Variants in TBC1D22A observed in about 807,000 individuals in gnomAD.
TBC1D22A encodes the protein TBC1 domain family member 22A, also known as putative GTPase activator.
Under a neutral mutation model 60.2 loss-of-function variants are expected in TBC1D22A, and 38 were observed. That is an observed-to-expected ratio of 0.63 (90% CI 0.49 to 0.83). TBC1D22A has a LOEUF of 0.83. Among genes scored for constraint, TBC1D22A ranks in the 40% least tolerant of loss-of-function variants. TBC1D22A has a pLI of 0.00. For missense variants in TBC1D22A, 628 were observed against 701.0 expected, an observed-to-expected ratio of 0.90 and a Z score of 1.18; for synonymous variants, 302 against 281.7, an observed-to-expected ratio of 1.07 and a Z score of -0.72.
At chr22:47,160,330 C>T (rs75637217) in intron 12 of TBC1D22A, among the ~76,000 whole-genome samples, 7,460 of 152,280 alleles carry the variant, frequency 0.049, 590 homozygotes, top group African/African-American at 0.17. Flanking sequence ...CCTCCCTTGC[C>T]GCTCACTGGG....
chr22:46,974,955 A>C (rs890555104), intron 9 of TBC1D22A, among the ~76,000 whole-genome samples: 2 of 152,202 alleles, frequency 1.3e-5, no homozygotes, highest in Non-Finnish European at 2.9e-5. Flanking sequence ...TTAGTGGCTG[A>C]GATTTCTGTA....
At chr22:46,949,764 T>C (rs1049266425) in intron 8 of TBC1D22A, among the ~76,000 whole-genome samples, 5 of 152,116 alleles carry the variant, frequency 3.3e-5, no homozygotes, top group African/African-American at 4.8e-5. Flanking sequence ...GAAAAGAAAG[T>C]GTTGCAGTCT....
chr22:46,902,624 G>A (rs1318678189), intron 7 of TBC1D22A, among the ~76,000 whole-genome samples: 2 of 152,238 alleles, frequency 1.3e-5, no homozygotes, highest in Non-Finnish European at 2.9e-5. Context: ...CGCTGTGTCC[G>A]CTAAACCAGC....
chr22:46,854,573 G>A (rs1305699647), intron 4 of TBC1D22A, among the ~76,000 whole-genome samples: 2 of 151,516 alleles, frequency 1.3e-5, no homozygotes, highest in Admixed American at 6.6e-5. Context: ...ATGTTCTCGC[G>A]CTAATTCCTT....
In TBC1D22A at chr22:46,988,442, A is replaced by G. The variant is rs1377848764; in HGVS notation, c.1126-9192A>G. 4.6e-5 allele frequency among the ~76,000 whole-genome samples: 7 copies of G among 152,346 alleles called. No individual in the cohort carries two copies. In the South Asian group the frequency reaches 8.3e-4, roughly 18 times the overall value. ...TATGGCAGCTATAGCCTTATCAAGT[A>G]TATTTCTCAAATAATGACTTGAAAG... On this transcript the variant is annotated intron_variant, in intron 9 of 12. Coordinates refer to ENST00000337137, the MANE Select transcript of TBC1D22A (RefSeq NM_014346.5).
At chr22:46,856,710 A>T (rs1244548192) in intron 4 of TBC1D22A, among the ~76,000 whole-genome samples, 1 of 152,202 alleles carries the variant, frequency 6.6e-6, no homozygotes, top group Non-Finnish European at 1.5e-5. Flanking sequence ...TGAAAGGCCA[A>T]AGTTTTCCCT....
chr22:46,841,196 G>T (rs2086754761), intron 4 of TBC1D22A, among the ~76,000 whole-genome samples: 1 of 152,184 alleles, frequency 6.6e-6, no homozygotes, highest in South Asian at 2.1e-4. Context: ...GGGGCCTATA[G>T]GAGGTGATGT....
intron 10 of TBC1D22A, among the ~76,000 whole-genome samples, chr22:47,008,219 C>T (rs185750062): frequency 2.8e-4 from 43 of 152,292 alleles, no homozygotes; most frequent in African/African-American, 8.2e-4. Context: ...TGGCTATTGA[C>T]GAAATGAGAT....
chr22:47,054,942 TCA>T (rs1226701030), intron 11 of TBC1D22A, among the ~76,000 whole-genome samples: 13 of 152,348 alleles, frequency 8.5e-5, no homozygotes, highest in African/African-American at 2.2e-4. Flanking sequence ...GGGCTGGGAC[TCA>T]CAGCCCAGGT....
At chr22:47,170,706 C>A (rs1414309574) in intron 12 of TBC1D22A, among the ~76,000 whole-genome samples, 1 of 147,662 alleles carries the variant, frequency 6.8e-6, no homozygotes. Flanking sequence ...TGGTGTGTAA[C>A]CCTCCTGATG....
chr22:46,956,796 G>A (rs934135521), intron 8 of TBC1D22A, among the ~76,000 whole-genome samples: 1 of 152,244 alleles, frequency 6.6e-6, no homozygotes, highest in Non-Finnish European at 1.5e-5. Flanking sequence ...TTTAGGTGAG[G>A]CACTTCCTCT....
intron 8 of TBC1D22A, among the ~76,000 whole-genome samples, chr22:46,948,156 C>T (rs1410735986): frequency 6.6e-6 from 1 of 152,174 alleles, no homozygotes; most frequent in Non-Finnish European, 1.5e-5. Context: ...AACAAACCTG[C>T]ATATCTTCAA....
At chr22:46,980,012 A>G (rs1049493468) in intron 9 of TBC1D22A, among the ~76,000 whole-genome samples, 1 of 151,996 alleles carries the variant, frequency 6.6e-6, no homozygotes, top group African/African-American at 2.4e-5. Flanking sequence ...GCAGAGAAGG[A>G]GTGCGCCGGG....
At chr22:47,096,040 T>C (rs2065159049) in intron 11 of TBC1D22A, among the ~76,000 whole-genome samples, 1 of 152,220 alleles carries the variant, frequency 6.6e-6, no homozygotes, top group Non-Finnish European at 1.5e-5. Flanking sequence ...TTTTTAATTA[T>C]AAAAAATGTT....
At chr22:46,964,698 T>G (rs1169758145) in intron 8 of TBC1D22A, among the ~76,000 whole-genome samples, 1 of 152,230 alleles carries the variant, frequency 6.6e-6, no homozygotes, top group African/African-American at 2.4e-5. Context: ...GTTTTTTACC[T>G]GATTTGTGTG....
intron 4 of TBC1D22A, among the ~76,000 whole-genome samples, chr22:46,815,971 G>C (rs2085580151): frequency 6.6e-6 from 1 of 152,222 alleles, no homozygotes; most frequent in South Asian, 2.1e-4. Flanking sequence ...TCCCACTGCA[G>C]CCTTGGGGAG....
intron 11 of TBC1D22A, among the ~76,000 whole-genome samples, chr22:47,078,064 A>G (rs552218431): frequency 1.3e-5 from 2 of 152,328 alleles, no homozygotes; most frequent in South Asian, 2.1e-4. Flanking sequence ...CCCATCTGTT[A>G]CAGCAGTGTT....
At chr22:46,901,641 C>G (rs1257985103) in intron 7 of TBC1D22A, among the ~76,000 whole-genome samples, 1 of 152,102 alleles carries the variant, frequency 6.6e-6, no homozygotes, top group Non-Finnish European at 1.5e-5. Context: ...ATATGGTTGC[C>G]TTTTAACCCA....
At chr22:46,897,158 G>C (rs2068720349) in intron 7 of TBC1D22A, among the ~76,000 whole-genome samples, 3 of 152,146 alleles carry the variant, frequency 2.0e-5, no homozygotes, top group Admixed American at 2.0e-4. Context: ...ACAAAGCTAG[G>C]AAAGAATGAA....
Sources: allele counts gnomAD v4.1 joint callset (sites outside exome capture counted in the v4.1 genomes callset), GRCh38; gene constraint gnomAD v4.1.1; transcripts MANE v1.5; gene names NCBI Gene and HGNC (gene_info 2026-07-23, HGNC 2026-07-21).